Variants in ARID1A observed in about 807,000 individuals in gnomAD.
The protein encoded by ARID1A is AT-rich interactive domain-containing protein 1A.
In ARID1A, 20 loss-of-function variants were observed where a neutral mutation model predicts 212.6. That is an observed-to-expected ratio of 0.09 (90% CI 0.07 to 0.14). The LOEUF is 0.14. Among genes scored for constraint, ARID1A ranks in the 10% least tolerant of loss-of-function variants. The pLI is 1.00. For synonymous variants in ARID1A, 1,376 were observed against 1,222.1 expected, an observed-to-expected ratio of 1.13 and a Z score of -2.63; for missense variants, 2,587 against 3,059.0, an observed-to-expected ratio of 0.85 and a Z score of 3.64.
In ARID1A at chr1:26,730,171, T is replaced by C. The variant is rs191640049; in HGVS notation, c.1350+308T>C. ...TGGGATGAAAGGCAGTGGCTGAACA[T>C]GTAGGCACTGCTACTATTAGGAAAA... On this transcript the variant is annotated intron_variant, in intron 2 of 19. Coordinates refer to ENST00000324856, the MANE Select transcript of ARID1A (RefSeq NM_006015.6). 5.9e-5 allele frequency among the ~76,000 whole-genome samples: 9 copies of C among 152,352 alleles called. No individual in the cohort carries two copies. In the East Asian group the frequency reaches 1.7e-3, roughly 29 times the overall value.
At chr1:26,744,437 C>G (rs560940593) in intron 4 of ARID1A, among the ~76,000 whole-genome samples, 6 of 152,308 alleles carry the variant, frequency 3.9e-5, no homozygotes, top group Middle Eastern at 3.4e-3. Flanking sequence ...TATGATGGCT[C>G]TTGAGTCACT....
At chr1:26,713,667 T>C (rs2080474896) in intron 1 of ARID1A, among the ~76,000 whole-genome samples, 1 of 152,148 alleles carries the variant, frequency 6.6e-6, no homozygotes, top group Non-Finnish European at 1.5e-5. Context: ...AGATTTTTAG[T>C]ATCTGCTTTC....
intron 14 of ARID1A, 46 bp downstream of exon 14, chr1:26,773,033 G>A (rs370054984): frequency 1.9e-6 from 3 of 1,576,138 alleles, no homozygotes; most frequent in Non-Finnish European, 2.6e-6. Context: ...TAAAGACAGG[G>A]CCAGTGAAAT....
chr1:26,742,219 T>C (rs2080794267), intron 4 of ARID1A, among the ~76,000 whole-genome samples: 1 of 152,222 alleles, frequency 6.6e-6, no homozygotes. Flanking sequence ...GGAATGTCAA[T>C]GGATTTCCAT....
intron 1 of ARID1A, among the ~76,000 whole-genome samples, chr1:26,711,632 A>G (rs1222347553): frequency 6.6e-6 from 1 of 152,224 alleles, no homozygotes; most frequent in African/African-American, 2.4e-5. Flanking sequence ...TTACTAGTGC[A>G]GTGATAAGTT....
chr1:26,699,959 G>T (rs775794561), intron 1 of ARID1A, among the ~76,000 whole-genome samples: 1 of 152,160 alleles, frequency 6.6e-6, no homozygotes, highest in Non-Finnish European at 1.5e-5. Flanking sequence ...CTGTTTGGAT[G>T]CCTGTCTGTG....
Position 26,780,810 on chromosome 1 carries a change from GAA to G in ARID1A, c.*56_*57del, listed in dbSNP as rs1387972191. Reference sequence around the variant, plus strand: ...TGTGTGTGCGTGTGTGGAGAACTTAGAAACTGACTGTTGCCCTTTATTTATGC... The same window carrying G: ...TGTGTGTGCGTGTGTGGAGAACTTAGACTGACTGTTGCCCTTTATTTATGC... On this transcript the variant is annotated 3_prime_UTR_variant, in exon 20 of 20. Transcript: ENST00000324856. The surrounding 1 kb of genome is among the most constrained non-coding windows in gnomAD (Gnocchi z 7.2). 2 of 1,513,294 alleles carry G rather than the reference GAA, an allele frequency of 1.3e-6. No homozygotes were observed. Among genetic ancestry groups the G allele is most frequent in the Non-Finnish European group, 1.8e-6 (2 of 1,133,516 alleles). 93.7% of individuals were successfully genotyped at this position (1,513,294 alleles called of 1,614,324 possible).
chr1:26,703,395 C>T (rs1009241763), intron 1 of ARID1A, among the ~76,000 whole-genome samples: 58 of 152,254 alleles, frequency 3.8e-4, no homozygotes, highest in African/African-American at 1.3e-3. Flanking sequence ...ACCAGATTTG[C>T]CTTCTCAGAA....
chr1:26,760,038 G>A (rs2080976342), intron 4 of ARID1A, among the ~76,000 whole-genome samples: 1 of 151,888 alleles, frequency 6.6e-6, no homozygotes, highest in Non-Finnish European at 1.5e-5. Context: ...AGAAGGAGAG[G>A]GGATCTATAA....
chr1:26,717,814 G>A (rs1335814696), intron 1 of ARID1A, among the ~76,000 whole-genome samples: 1 of 152,160 alleles, frequency 6.6e-6, no homozygotes, highest in Admixed American at 6.5e-5. Context: ...ACCAGGGAAG[G>A]CCACACTGAA....
At chr1:26,769,698 T>G (rs1409054988) in intron 11 of ARID1A, 1 of 152,238 alleles carries the variant, frequency 6.6e-6, no homozygotes, top group African/African-American at 2.4e-5. Context: ...ACTTCCTTTG[T>G]GTATAGGGAC....
chr1:26,751,816 C>A (rs1449972617), intron 4 of ARID1A, among the ~76,000 whole-genome samples: 2 of 152,070 alleles, frequency 1.3e-5, no homozygotes, highest in East Asian at 3.9e-4. Flanking sequence ...GGAGACGGGC[C>A]CCTGAAAAGC....
Position 26,769,392 on chromosome 1 carries a change from T to C in ARID1A, c.3198+1393T>C, listed in dbSNP as rs567755685. The C allele has an allele frequency of 3.9e-5, 6 of 152,348 alleles. No individual in the cohort carries two copies. In the East Asian group the frequency reaches 5.8e-4, roughly 15 times the overall value. 9.4% of individuals were successfully genotyped at this position (152,348 alleles called of 1,614,324 possible). A position where few individuals can be genotyped will look rare whatever the true frequency, so the allele number is the denominator to read the frequency against. On this transcript the variant is annotated intron_variant, in intron 11 of 19. Transcript: ENST00000324856. ...AAAAGAGTGCTATTTATAAGTTAGT[T>C]TGTGAAGGCTCCAAGAAAGCAAAGC...
chr1:26,740,307 C>T lies in ARID1A; in HGVS notation c.1920+7515C>T, dbSNP rs2080775864. Among the ~76,000 whole-genome samples, 9 of 152,276 alleles carry T rather than the reference C, an allele frequency of 5.9e-5. No individual in the cohort carries two copies. The South Asian group carries it at 1.9e-3, about 32-fold the overall frequency. The stretch of plus-strand genomic sequence containing the variant: ...ATTCCTAAAGGATCCTCCTGTGTTT[C>T]ATTAGTAAAATAGACATAAAACAGA... On this transcript the variant is annotated intron_variant, in intron 4 of 19. Transcript: ENST00000324856.
intron 4 of ARID1A, among the ~76,000 whole-genome samples, chr1:26,737,680 A>G (rs915196724): frequency 3.3e-5 from 5 of 152,032 alleles, no homozygotes; most frequent in Non-Finnish European, 7.4e-5. Flanking sequence ...AGCCTGACCA[A>G]CATGAAGAAA....
intron 4 of ARID1A, among the ~76,000 whole-genome samples, chr1:26,735,854 C>A (rs2080724022): frequency 6.6e-6 from 1 of 152,124 alleles, no homozygotes; most frequent in African/African-American, 2.4e-5. Flanking sequence ...TGCTTTCAGA[C>A]CTTTGCACAC....
chr1:26,699,472 T>G (rs2124748430), intron 1 of ARID1A, among the ~76,000 whole-genome samples: 1 of 152,344 alleles, frequency 6.6e-6, no homozygotes, highest in Non-Finnish European at 1.5e-5. Context: ...CAGCCCATCC[T>G]AGAGCTACTT....
At chr1:26,707,937 A>G (rs71514277) in intron 1 of ARID1A, among the ~76,000 whole-genome samples, 8,216 of 152,246 alleles carry the variant, frequency 0.054, 313 homozygotes, top group Non-Finnish European at 0.08. Context: ...CTTCTCCAAA[A>G]TAAATTACTC....
intron 4 of ARID1A, among the ~76,000 whole-genome samples, chr1:26,757,905 TG>T (rs1329539187): frequency 6.6e-6 from 1 of 152,172 alleles, no homozygotes; most frequent in African/African-American, 2.4e-5. Context: ...CCTAAAGTGC[TG>T]GGATTACGGA....
Sources: allele counts gnomAD v4.1 joint callset (sites outside exome capture counted in the v4.1 genomes callset), GRCh38; gene constraint gnomAD v4.1.1; non-coding constraint Gnocchi (gnomAD v3.1); transcripts MANE v1.5; gene names NCBI Gene and HGNC (gene_info 2026-07-23, HGNC 2026-07-21).